The following CSNK2A2IP variants were observed in gnomAD, a reference collection of about 807,000 sequenced individuals.
CSNK2A2IP encodes casein kinase 2 subunit alpha' interacting protein, also known as casein kinase II subunit alpha'-interacting protein.
At chr3:88,456,073 A>G in the CSNK2A2IP span, among the ~76,000 whole-genome samples, 1 of 152,124 alleles carries the variant, frequency 6.6e-6, no homozygotes, top group East Asian at 1.9e-4. Context: ...GTCTAATTTT[A>G]TGCTGCTACC....
the CSNK2A2IP span, among the ~76,000 whole-genome samples, chr3:88,413,459 T>C: frequency 4.1e-4 from 63 of 152,148 alleles, no homozygotes; most frequent in African/African-American, 1.3e-3. Context: ...AATACTATGA[T>C]TGTTAATATT....
the CSNK2A2IP span, among the ~76,000 whole-genome samples, chr3:88,346,250 A>G: frequency 8.9e-4 from 136 of 152,042 alleles, no homozygotes; most frequent in Non-Finnish European, 1.7e-3. Context: ...TGAAAGTGCA[A>G]GGCTAAGCAG....
At chr3:88,340,951 C>A in the CSNK2A2IP span, among the ~76,000 whole-genome samples, 3 of 151,814 alleles carry the variant, frequency 2.0e-5, no homozygotes, top group Non-Finnish European at 4.4e-5. Flanking sequence ...GTGTTCCAGG[C>A]CTGAACAAAT....
chr3:88,404,988 C>T, the CSNK2A2IP span, among the ~76,000 whole-genome samples: 2 of 152,170 alleles, frequency 1.3e-5, no homozygotes, highest in Non-Finnish European at 2.9e-5. Flanking sequence ...CTCCACCATT[C>T]TTTAGGTGAC....
the CSNK2A2IP span, among the ~76,000 whole-genome samples, chr3:88,453,905 T>C: frequency 6.6e-6 from 1 of 152,062 alleles, no homozygotes; most frequent in Admixed American, 6.6e-5. Context: ...ATGAACATAT[T>C]TTTTAAGTCT....
chr3:88,398,803 T>G, the CSNK2A2IP span, among the ~76,000 whole-genome samples: 1 of 152,212 alleles, frequency 6.6e-6, no homozygotes, highest in East Asian at 1.9e-4. Context: ...TATTTGTAGC[T>G]GTTTTTCATT....
chr3:88,353,442 A>G, the CSNK2A2IP span, among the ~76,000 whole-genome samples: 1 of 152,164 alleles, frequency 6.6e-6, no homozygotes, highest in African/African-American at 2.4e-5. Flanking sequence ...GTTAAAATTT[A>G]ATTGCTCGTG....
the CSNK2A2IP span, among the ~76,000 whole-genome samples, chr3:88,411,379 G>C: frequency 7.0e-6 from 1 of 143,516 alleles, no homozygotes; most frequent in African/African-American, 2.8e-5. Flanking sequence ...CTATCTATCT[G>C]TCTATCTATC....
At chr3:88,386,133 TC>T in the CSNK2A2IP span, among the ~76,000 whole-genome samples, 5 of 150,760 alleles carry the variant, frequency 3.3e-5, no homozygotes, top group African/African-American at 1.0e-4. Context: ...ATTTTTTTTT[TC>T]TTTTTTTGAG....
At chr3:88,454,938 T>A in the CSNK2A2IP span, among the ~76,000 whole-genome samples, 10 of 151,688 alleles carry the variant, frequency 6.6e-5, no homozygotes, top group Non-Finnish European at 8.9e-5. Flanking sequence ...TGTTACTGTG[T>A]GTTTGACCTT....
At chr3:88,467,271 T>G in the CSNK2A2IP span, 1 of 400,822 alleles carries the variant, frequency 2.5e-6, no homozygotes, top group Non-Finnish European at 4.4e-6. Context: ...ACTCCTCTTC[T>G]TCATCTTCTT....
At chr3:88,447,351 A>G in the CSNK2A2IP span, among the ~76,000 whole-genome samples, 3 of 152,154 alleles carry the variant, frequency 2.0e-5, no homozygotes, top group Non-Finnish European at 2.9e-5. Flanking sequence ...TGTCACTCAT[A>G]TATTACTGAT....
At chr3:88,352,957 A>C in the CSNK2A2IP span, among the ~76,000 whole-genome samples, 1 of 152,168 alleles carries the variant, frequency 6.6e-6, no homozygotes, top group South Asian at 2.1e-4. Context: ...ATTCTAATAA[A>C]TTCTACCAGC....
chr3:88,450,542 T>G, the CSNK2A2IP span, among the ~76,000 whole-genome samples: 1 of 152,146 alleles, frequency 6.6e-6, no homozygotes, highest in South Asian at 2.1e-4. Context: ...CATACAATAA[T>G]TTTCTTTCTG....
the CSNK2A2IP span, among the ~76,000 whole-genome samples, chr3:88,371,081 T>C: frequency 6.6e-6 from 1 of 151,378 alleles, no homozygotes; most frequent in Non-Finnish European, 1.5e-5. Flanking sequence ...CTCTATGGTA[T>C]TTGGTTATGG....
chr3:88,447,177 G>T, the CSNK2A2IP span, among the ~76,000 whole-genome samples: 1 of 151,870 alleles, frequency 6.6e-6, no homozygotes, highest in African/African-American at 2.4e-5. Flanking sequence ...TTGAAACATA[G>T]GTAAATAAAA....
the CSNK2A2IP span, among the ~76,000 whole-genome samples, chr3:88,462,140 T>TA: frequency 2.7e-5 from 4 of 150,144 alleles, no homozygotes; most frequent in African/African-American, 7.3e-5. Flanking sequence ...TATATATGTA[T>TA]TGTAAATTTT....
the CSNK2A2IP span, among the ~76,000 whole-genome samples, chr3:88,371,903 T>C: frequency 6.6e-6 from 1 of 151,662 alleles, no homozygotes; most frequent in Non-Finnish European, 1.5e-5. Flanking sequence ...GAATGACATA[T>C]TCAAAGTGCT....
At chr3:88,423,321 G>A in the CSNK2A2IP span, among the ~76,000 whole-genome samples, 10 of 152,228 alleles carry the variant, frequency 6.6e-5, no homozygotes, top group African/African-American at 1.4e-4. Flanking sequence ...GAAATTGATC[G>A]TCTATATTAA....
Sources: gnomAD v4.1 joint callset for allele counts (sites outside exome capture counted in the v4.1 genomes callset) on GRCh38, gnomAD v4.1.1 for gene constraint, MANE v1.5 for transcripts, NCBI Gene and HGNC (gene_info 2026-07-23, HGNC 2026-07-21) for gene names.